Variants in CCT2 observed in about 807,000 individuals in gnomAD.
CCT2 encodes chaperonin containing TCP1 subunit 2, also known as T-complex protein 1 subunit beta.
In CCT2, 18 loss-of-function variants were observed where a neutral mutation model predicts 61.8. The ratio of observed to expected loss-of-function variants is 0.29; its 90% CI spans 0.20 to 0.43. The LOEUF (loss-of-function observed/expected upper bound fraction) is 0.43, where lower values mean the gene tolerates loss of function less well. CCT2 is among the 20% of genes least tolerant of loss of function. CCT2 has a pLI of 1.00. For missense variants in CCT2, 556 were observed against 656.9 expected (o/e 0.85, Z 1.68); for synonymous variants, 248 against 215.9 (o/e 1.15, Z -1.30).
rs7200 is a variant in CCT2, at chr12:69,601,493, T to A, written c.*168T>A. On this transcript the variant is annotated 3_prime_UTR_variant, in exon 16 of 16. Transcript: ENST00000299300. ...ACATAGGTCTAATTTATTTGCCGTG[T>A]CATTTTCCATACAAATCAGTTGATT... 1 of 1,476,692 alleles carries A rather than the reference T, an allele frequency of 6.8e-7. No individual in the cohort carries two copies. The allele number at this position is 1,476,692 out of a possible 1,614,324, so 91.5% of individuals were successfully genotyped here.
chr12:69,590,319 A>G (rs1304401853), intron 7 of CCT2, among the ~76,000 whole-genome samples: 1 of 152,150 alleles, frequency 6.6e-6, no homozygotes, highest in Non-Finnish European at 1.5e-5. Flanking sequence ...CCCTTCGTAT[A>G]CTGGGGGATG....
At chr12:69,589,755 G>A (rs947956575) in intron 7 of CCT2, 68 bp downstream of exon 7, 2 of 1,261,774 alleles carry the variant, frequency 1.6e-6, no homozygotes, top group Admixed American at 1.8e-5. Flanking sequence ...AGTGAATTCT[G>A]TTTTGAGACC....
intron 1 of CCT2, chr12:69,585,776 G>A: frequency 7.2e-7 from 1 of 1,396,490 alleles, no homozygotes; most frequent in East Asian, 2.6e-5. Flanking sequence ...CGGCAGCCCA[G>A]GTCCGCGCCT....
At chr12:69,592,796 C>G (rs574634858) in intron 8 of CCT2, 180 bp from the exon 9 acceptor site, 12 of 457,238 alleles carry the variant, frequency 2.6e-5, no homozygotes, top group African/African-American at 2.2e-4. Flanking sequence ...GGTGTGGTGG[C>G]GCACACCTGT....
chr12:69,593,407 C>A, intron 9 of CCT2, 103 bp from the exon 10 acceptor site: 1 of 752,632 alleles, frequency 1.3e-6, no homozygotes, highest in Non-Finnish European at 2.1e-6. Context: ...TTCTAATTTG[C>A]ATTTCTTTTA....
Position 69,589,705 on chromosome 12 carries a change from A to G in CCT2, c.649+18A>G, listed in dbSNP as rs925950079. ...AGATGAAGGTATGTATGAATGTCAGATACAAGAAGCTTTGATTAGATGCTG... is the reference window on the plus strand; with the variant it reads ...AGATGAAGGTATGTATGAATGTCAGGTACAAGAAGCTTTGATTAGATGCTG... On this transcript the variant is annotated intron_variant, in intron 7 of 15. Transcript: ENST00000299300. The G allele has an allele frequency of 1.3e-6, 2 of 1,590,820 alleles. No individual in the cohort carries two copies. The highest frequency in any genetic ancestry group is 2.2e-5 in the East Asian group (1 of 44,768).
chr12:69,600,148 T>G (rs1882109622), intron 15 of CCT2, 144 bp downstream of exon 15: 1 of 798,884 alleles, frequency 1.3e-6, no homozygotes. Flanking sequence ...ATCACAACTC[T>G]TAACACTTAA....
intron 10 of CCT2, among the ~76,000 whole-genome samples, chr12:69,595,738 G>C (rs989675604): frequency 4.1e-5 from 6 of 146,974 alleles, no homozygotes; most frequent in African/African-American, 9.9e-5. Context: ...ATAATATATT[G>C]ATGGGATAAA....
intron 10 of CCT2, among the ~76,000 whole-genome samples, chr12:69,593,964 C>A (rs1881911497): frequency 6.6e-6 from 1 of 150,878 alleles, no homozygotes; most frequent in South Asian, 2.1e-4. Context: ...ATTGCGAACC[C>A]ACATCCCTAC....
intron 7 of CCT2, 144 bp downstream of exon 7, chr12:69,589,831 C>T: frequency 1.5e-6 from 1 of 649,830 alleles, no homozygotes. Context: ...CCATTTTTGT[C>T]ATTTTATTGA....
chr12:69,599,022 TTTTA>T (rs1411617831), intron 14 of CCT2, among the ~76,000 whole-genome samples: 1 of 152,224 alleles, frequency 6.6e-6, no homozygotes, highest in Non-Finnish European at 1.5e-5. Context: ...TCCATTTGTT[TTTTA>T]TTATTTGATA....
chr12:69,597,367 C>T (rs1882021783), intron 11 of CCT2, 92 bp downstream of exon 11: 2 of 1,424,424 alleles, frequency 1.4e-6, no homozygotes, highest in Non-Finnish European at 1.9e-6. Context: ...AATAGCATAT[C>T]TTACAAGTCT....
In CCT2 at chr12:69,586,305, G is replaced by A. The variant is rs1881654128; in HGVS notation, c.39G>A (p.Lys13=). The A allele has an allele frequency of 6.2e-7, 1 of 1,613,688 alleles. No individual in the cohort carries two copies. ...SLSLAPVNIF[K]AGADEERAET... is the part of the protein sequence containing the mutation. ...CCCTTGCACCTGTTAACATCTTTAA[G>A]GCAGGAGCTGATGAAGAGAGAGCAG... Residue 13 remains lysine, a synonymous_variant, in exon 2 of 16, where the codon AAG becomes AAA. Transcript: ENST00000299300.
intron 7 of CCT2, 98 bp from the exon 8 acceptor site, chr12:69,591,961 T>C (rs1232182060): frequency 5.9e-6 from 4 of 682,956 alleles, no homozygotes; most frequent in African/African-American, 3.8e-5. Flanking sequence ...AAATAGCTTC[T>C]TTGAAACAGT....
At chr12:69,598,165 A>C in intron 13 of CCT2, 94 bp downstream of exon 13, 3 of 1,046,892 alleles carry the variant, frequency 2.9e-6, no homozygotes, top group Non-Finnish European at 4.2e-6. Context: ...TACTGCTTTT[A>C]AATTTGATTC....
intron 15 of CCT2, 132 bp from the exon 16 acceptor site, chr12:69,601,163 C>T (rs1593103190): frequency 1.4e-6 from 1 of 716,050 alleles, no homozygotes; most frequent in South Asian, 2.0e-5. Flanking sequence ...TTATAGGGGA[C>T]ACACATGCAA....
At chr12:69,596,180 A>G (rs1333611107) in intron 10 of CCT2, among the ~76,000 whole-genome samples, 2 of 152,270 alleles carry the variant, frequency 1.3e-5, no homozygotes, top group Non-Finnish European at 2.9e-5. Context: ...TGTGTCTCAC[A>G]TCTAGAACAC....
At position 69,597,650 on chromosome 12, in the gene CCT2, C is replaced by G; in HGVS notation, c.1115C>G (p.Thr372Ser). 1 of 1,613,650 alleles carries G rather than the reference C, an allele frequency of 6.2e-7. No individual in the cohort carries two copies. Among genetic ancestry groups the G allele is most frequent in the Non-Finnish European group, 8.5e-7 (1 of 1,179,842 alleles). ...FSGVALGEAC[T>S]IVLRGATQQI... ...CTTTTAATTTTAGGTGAGGCTTGTA[C>G]CATTGTTTTGCGTGGTGCCACTCAA... The change falls in exon 12 of 16, where the codon ACC becomes AGC. Residue 372 changes from threonine to serine, a missense_variant. Coordinates refer to ENST00000299300, the MANE Select transcript of CCT2 (RefSeq NM_006431.3).
At chr12:69,598,136 T>G in intron 13 of CCT2, 65 bp downstream of exon 13, 3 of 1,253,874 alleles carry the variant, frequency 2.4e-6, no homozygotes, top group Non-Finnish European at 3.5e-6. Flanking sequence ...TTAAAATGAG[T>G]AGAAAATGAA....
Sources: allele counts gnomAD v4.1 joint callset (sites outside exome capture counted in the v4.1 genomes callset), GRCh38; gene constraint gnomAD v4.1.1; transcripts MANE v1.5; gene names NCBI Gene and HGNC (gene_info 2026-07-23, HGNC 2026-07-21).